Variants in RCAN2 observed in about 807,000 individuals in gnomAD.
RCAN2 encodes calcipressin-2.
Under a neutral mutation model 23.6 loss-of-function variants are expected in RCAN2, and 9 were observed. That is an observed-to-expected ratio of 0.38 (90% confidence interval 0.23 to 0.67). The LOEUF is 0.67. RCAN2 is among the 30% of genes least tolerant of loss of function. The probability of loss-of-function intolerance (pLI) is 0.51; values close to 1 mark genes in which losing one functional copy is unlikely to be tolerated. For missense variants in RCAN2, 273 were observed against 302.3 expected (o/e 0.90, Z 0.72); for synonymous variants, 109 against 115.7 (o/e 0.94, Z 0.37).
chr6:46,263,513 A>ATGTGTGTGTGTGTGTGTGTG (rs1267211253), intron 2 of RCAN2, among the ~76,000 whole-genome samples: 1 of 56,336 alleles, frequency 1.8e-5, no homozygotes, highest in Non-Finnish European at 3.7e-5. Context: ...ATGTGTGTGT[A>ATGTGTGTGTGTGTGTGTGTG]TGTGTGTATG....
intron 2 of RCAN2, among the ~76,000 whole-genome samples, chr6:46,249,746 C>A (rs951592622): frequency 1.3e-5 from 2 of 152,052 alleles, no homozygotes; most frequent in Non-Finnish European, 2.9e-5. Flanking sequence ...AGAAAGCCCT[C>A]GAGTAATTTT....
intron 2 of RCAN2, among the ~76,000 whole-genome samples, chr6:46,354,895 ATATGTGTG>A (rs1464943538): frequency 5.4e-4 from 74 of 136,302 alleles, no homozygotes; most frequent in South Asian, 3.3e-3. Flanking sequence ...AAAAGATTAT[ATATGTGTG>A]TGTGTGTGTG....
At position 46,337,739 on chromosome 6, in the gene RCAN2, C is replaced by T. The variant is rs550762758; in HGVS notation, c.226-88843G>A. Among the ~76,000 whole-genome samples, 5 of 152,316 alleles carry T rather than the reference C, an allele frequency of 3.3e-5. No individual in the cohort carries two copies. In the South Asian group the frequency reaches 6.2e-4, roughly 19 times the overall value. On this transcript the variant is annotated intron_variant, in intron 2 of 4. Coordinates refer to ENST00000371374, the MANE Select transcript of RCAN2 (RefSeq NM_001251974.2). ...GGCTCAGTGAAGTTATCGCAAGGTG[C>T]TGTCTCTCTAGCTCCGTCTTCTGAA...
chr6:46,304,350 T>A (rs1763000144), intron 2 of RCAN2, among the ~76,000 whole-genome samples: 1 of 152,156 alleles, frequency 6.6e-6, no homozygotes, highest in Non-Finnish European at 1.5e-5. Context: ...GTATTACAAA[T>A]ATCTTCTTCC....
chr6:46,377,142 T>A (rs991998688), intron 2 of RCAN2, among the ~76,000 whole-genome samples: 1 of 152,124 alleles, frequency 6.6e-6, no homozygotes, highest in Admixed American at 6.5e-5. Flanking sequence ...GCCGGGGTGG[T>A]GGAATGGACA....
intron 4 of RCAN2, 32 bp from the exon 5 acceptor site, chr6:46,223,333 A>T (rs376618552): frequency 6.2e-7 from 1 of 1,602,698 alleles, no homozygotes; most frequent in East Asian, 2.2e-5. Context: ...AGTGAGAAAG[A>T]GGGGGGGATT....
rs1418058763 is a variant in RCAN2 at position 46,223,132 on chromosome 6, G to A, written c.*9C>T. ...AGGAGACGGCTATTATCGAGAAGGA[G>A]CAGGCAGCTCAGTTGGACACGGAGG... On this transcript the variant is annotated 3_prime_UTR_variant, in exon 5 of 5. Coordinates refer to ENST00000371374, the MANE Select transcript of RCAN2 (RefSeq NM_001251974.2). The A allele has an allele frequency of 6.2e-7, 1 of 1,612,718 alleles. No individual in the cohort carries two copies. The highest frequency in any genetic ancestry group is 8.5e-7 in the Non-Finnish European group (1 of 1,179,818).
At chr6:46,397,772 G>T (rs1335474624) in intron 2 of RCAN2, among the ~76,000 whole-genome samples, 1 of 152,070 alleles carries the variant, frequency 6.6e-6, no homozygotes, top group Non-Finnish European at 1.5e-5. Flanking sequence ...GGTCACCTAA[G>T]CCATGCAGCC....
intron 2 of RCAN2, among the ~76,000 whole-genome samples, chr6:46,372,724 C>T (rs1393253697): frequency 6.6e-6 from 1 of 152,200 alleles, no homozygotes; most frequent in Admixed American, 6.5e-5. Context: ...TTGGTCTAGT[C>T]ACACCTATAA....
intron 3 of RCAN2, among the ~76,000 whole-genome samples, chr6:46,247,810 C>T (rs1053259890): frequency 1.3e-5 from 2 of 152,158 alleles, no homozygotes; most frequent in Non-Finnish European, 2.9e-5. Context: ...CTGTTGTGAA[C>T]GTGTGTGTAC....
chr6:46,467,517 A>G (rs1412579208), intron 1 of RCAN2, among the ~76,000 whole-genome samples: 2 of 152,130 alleles, frequency 1.3e-5, no homozygotes, highest in East Asian at 1.9e-4. Flanking sequence ...TCTGTCTCAT[A>G]TGACACAGGA....
At chr6:46,234,670 GGGTTTTCTACCTATTCCAT>G (rs1409106899) in intron 4 of RCAN2, among the ~76,000 whole-genome samples, 2 of 152,244 alleles carry the variant, frequency 1.3e-5, no homozygotes, top group African/African-American at 4.8e-5. Context: ...GCATTGGTCA[GGGTTTTCTACCTATTCCAT>G]GAAACAAACT....
intron 2 of RCAN2, among the ~76,000 whole-genome samples, chr6:46,376,811 G>A (rs1031511566): frequency 1.3e-5 from 2 of 152,002 alleles, no homozygotes. Flanking sequence ...GGAGGAAGTG[G>A]GCTACATCTG....
rs140919029 is a variant in RCAN2, at chr6:46,363,625, C to T, written c.225+93127G>A. Among the ~76,000 whole-genome samples, 118 of 151,624 alleles carry T rather than the reference C, an allele frequency of 7.8e-4. 1 individual carries two copies. Among genetic ancestry groups the T allele is most frequent in the African/African-American group, 2.5e-3 (103 of 41,318 alleles). On this transcript the variant is annotated intron_variant, in intron 2 of 4. Transcript: ENST00000371374. ...TTATGAAAGCATCTAGGAGCTCAGC[C>T]CTGAAACAAAAGAAATGAAATGAAT...
At chr6:46,465,886 C>G (rs1197352437) in intron 1 of RCAN2, among the ~76,000 whole-genome samples, 1 of 152,174 alleles carries the variant, frequency 6.6e-6, no homozygotes, top group African/African-American at 2.4e-5. Context: ...ATTTCAATAG[C>G]ACTTTAAATT....
chr6:46,417,714 T>G (rs1326765552), intron 2 of RCAN2, among the ~76,000 whole-genome samples: 1 of 152,208 alleles, frequency 6.6e-6, no homozygotes, highest in Admixed American at 6.5e-5. Flanking sequence ...CATATTCAAT[T>G]TCATTTGGGG....
At chr6:46,356,309 T>C (rs894725274) in intron 2 of RCAN2, among the ~76,000 whole-genome samples, 12 of 152,166 alleles carry the variant, frequency 7.9e-5, no homozygotes, top group African/African-American at 2.7e-4. Context: ...GGGTCAGTGA[T>C]GGGCCTCTCT....
intron 2 of RCAN2, among the ~76,000 whole-genome samples, chr6:46,382,562 G>T (rs1041647186): frequency 5.9e-5 from 9 of 152,154 alleles, no homozygotes; most frequent in African/African-American, 2.2e-4. Context: ...CAAACTCCAG[G>T]TGAGTTAAAA....
chr6:46,251,066 G>A (rs1766696030), intron 2 of RCAN2, among the ~76,000 whole-genome samples: 1 of 152,198 alleles, frequency 6.6e-6, no homozygotes, highest in African/African-American at 2.4e-5. Context: ...TGTGACATTT[G>A]TGGAGATTTG....
Sources: allele counts gnomAD v4.1 joint callset (sites outside exome capture counted in the v4.1 genomes callset), GRCh38; gene constraint gnomAD v4.1.1; transcripts MANE v1.5; gene names NCBI Gene and HGNC (gene_info 2026-07-23, HGNC 2026-07-21).